The following HAS3 variants were observed in gnomAD, a reference collection of about 807,000 sequenced individuals.
The protein encoded by HAS3 is hyaluronan synthase 3.
In HAS3, 27 loss-of-function variants were observed where a neutral mutation model predicts 50.3. That is an observed-to-expected ratio of 0.54 (90% confidence interval 0.40 to 0.74). HAS3 has a LOEUF of 0.74. Ranked by LOEUF, HAS3 falls within the 30% of genes least tolerant of loss-of-function variation. The pLI is 0.00. For synonymous variants in HAS3, 339 were observed against 310.9 expected (o/e 1.09, Z -0.95); for missense variants, 517 against 742.8 (o/e 0.70, Z 3.53).
In HAS3 at chr16:69,107,137, C is replaced by T. The variant is rs1180824246; in HGVS notation, c.-1+1350C>T. 3 of 165,604 alleles carry T rather than the reference C, an allele frequency of 1.8e-5. No homozygotes were observed. In the Admixed American group the frequency reaches 2.0e-4, roughly 11 times the overall value. 10.3% of individuals were successfully genotyped at this position (165,604 alleles called of 1,614,324 possible). A position where few individuals can be genotyped will look rare whatever the true frequency, so the allele number is the denominator to read the frequency against. On this transcript the variant is annotated intron_variant, in intron 1 of 3. Coordinates refer to ENST00000569188, the MANE Select transcript of HAS3 (RefSeq NM_001199280.2). The surrounding 1 kb of genome is among the most constrained non-coding windows in gnomAD (Gnocchi z 5.5). ...AGGCTGTAGGATCACCCCACAGCCTCTGCCGGCTTGGGGTGACACAGCCCC... is the reference window on the plus strand; with the variant it reads ...AGGCTGTAGGATCACCCCACAGCCTTTGCCGGCTTGGGGTGACACAGCCCC...
the HAS3 span, chr16:69,083,669 T>A: frequency 6.4e-7 from 1 of 1,553,136 alleles, no homozygotes. Context: ...TAGACCTGGC[T>A]CCAAGGACGT....
downstream of HAS3, chr16:69,118,452 G>GAGAGC (rs1480696580): frequency 6.2e-7 from 1 of 1,600,636 alleles, no homozygotes. Flanking sequence ...CACGTTTCTA[G>GAGAGC]AGAGCAGTGA....
At chr16:69,118,426 G>A (rs750274243), downstream of HAS3, 5 of 1,612,666 alleles carry the variant, frequency 3.1e-6, no homozygotes, top group East Asian at 1.1e-4. Context: ...CGGAAGCATG[G>A]TCCGTTCACC....
Position 69,114,828 on chromosome 16 carries a change from C to A in HAS3, c.1224C>A (p.Asn408Lys). The A allele has an allele frequency of 6.2e-7, 1 of 1,614,154 alleles. No individual in the cohort carries two copies. The highest frequency in any genetic ancestry group is 8.5e-7 in the Non-Finnish European group (1 of 1,180,040). The stretch of plus-strand genomic sequence containing the variant: ...TTTTCTACCGGGGCCGCATCTGGAA[C>A]ATTCTCCTCTTCCTGCTGACGGTGC... ...IQLFYRGRIW[N>K]ILLFLLTVQL... The change falls in exon 4 of 4, where the codon AAC becomes AAA. Residue 408 changes from asparagine to lysine, a missense_variant. Transcript: ENST00000569188. This position sits in a 1 kb window ranked among gnomAD's most constrained non-coding sequence, Gnocchi z 6.4.
At position 69,116,989 on chromosome 16, in the gene HAS3, C is replaced by T; in HGVS notation, c.*1723C>T. 1 of 985,444 alleles carries T rather than the reference C, an allele frequency of 1.0e-6. No individual in the cohort carries two copies. Among genetic ancestry groups the T allele is most frequent in the Non-Finnish European group, 1.2e-6 (1 of 829,952 alleles). The allele number at this position is 985,444 out of a possible 1,614,324, so 61.0% of individuals were successfully genotyped here. A position where few individuals can be genotyped will look rare whatever the true frequency, so the allele number is the denominator to read the frequency against. On this transcript the variant is annotated 3_prime_UTR_variant, in exon 4 of 4. Transcript: ENST00000569188. ...GGCAAACCCTGGTGCTTTCCTTCATCTCCCACGAACTCAAGGGTTTTCCAG... is the reference window on the plus strand; with the variant it reads ...GGCAAACCCTGGTGCTTTCCTTCATTTCCCACGAACTCAAGGGTTTTCCAG...
chr16:69,108,667 G>T (rs1960892976), intron 1 of HAS3, among the ~76,000 whole-genome samples: 1 of 152,132 alleles, frequency 6.6e-6, no homozygotes, highest in Non-Finnish European at 1.5e-5. Context: ...TGGGCTCTAG[G>T]AGGCTGTCCA....
rs752430909 is a variant in HAS3, at chr16:69,115,532, T to C, written c.*266T>C. 179 of 1,175,764 alleles carry C rather than the reference T, an allele frequency of 1.5e-4. No homozygotes were observed. The highest frequency in any genetic ancestry group is 1.8e-4 in the Non-Finnish European group (174 of 951,004). The allele number at this position is 1,175,764 out of a possible 1,614,324, so 72.8% of individuals were successfully genotyped here. A position where few individuals can be genotyped will look rare whatever the true frequency, so the allele number is the denominator to read the frequency against. On this transcript the variant is annotated 3_prime_UTR_variant, in exon 4 of 4. Transcript: ENST00000569188. The stretch of plus-strand genomic sequence containing the variant: ...TCTGCTTGCATCTGCACATAGGCAG[T>C]AGCCTCCTCCTGGGCTCCAGAGGGC...
At chr16:69,093,245 C>G in the HAS3 span, among the ~76,000 whole-genome samples, 1 of 152,210 alleles carries the variant, frequency 6.6e-6, no homozygotes, top group Non-Finnish European at 1.5e-5. Flanking sequence ...GACAGGGTCT[C>G]TGTCACTCAG....
At chr16:69,091,123 C>G in the HAS3 span, among the ~76,000 whole-genome samples, 2 of 152,286 alleles carry the variant, frequency 1.3e-5, no homozygotes, top group South Asian at 2.1e-4. Flanking sequence ...CACCTCAACT[C>G]CTGCCCAAGA....
intron 2 of HAS3, 23 bp from the exon 3 acceptor site, chr16:69,113,418 C>T (rs1228485458): frequency 6.5e-7 from 1 of 1,550,352 alleles, no homozygotes; most frequent in Non-Finnish European, 8.9e-7. Flanking sequence ...TCAGAATGGG[C>T]TGACGACGCA....
At chr16:69,108,507 CG>C (rs1463272169) in intron 1 of HAS3, among the ~76,000 whole-genome samples, 2 of 152,118 alleles carry the variant, frequency 1.3e-5, no homozygotes, top group African/African-American at 2.4e-5. Flanking sequence ...AAATGGAAAC[CG>C]GGCATTGTTT....
chr16:69,104,992 G>GTTTTTTTTTT (rs565397720), upstream of HAS3, among the ~76,000 whole-genome samples: 116 of 81,976 alleles, frequency 1.4e-3, 14 homozygotes, highest in South Asian at 9.1e-3. Flanking sequence ...CTGTTTTTTG[G>GTTTTTTTTTT]TTTTTTTTTT....
chr16:69,117,423 C>G lies in HAS3; in HGVS notation c.*2157C>G. ...AGTTATTTTGTACATTTTTCAGCAGCAAAACCAAACTGGGTCTTCAGCTTT... is the reference window on the plus strand; with the variant it reads ...AGTTATTTTGTACATTTTTCAGCAGGAAAACCAAACTGGGTCTTCAGCTTT... On this transcript the variant is annotated 3_prime_UTR_variant, in exon 4 of 4. Coordinates refer to ENST00000569188, the MANE Select transcript of HAS3 (RefSeq NM_001199280.2). 1 of 985,814 alleles carries G rather than the reference C, an allele frequency of 1.0e-6. No individual in the cohort carries two copies. Among genetic ancestry groups the G allele is most frequent in the Non-Finnish European group, 1.2e-6 (1 of 829,894 alleles). The allele number at this position is 985,814 out of a possible 1,614,324, so 61.1% of individuals were successfully genotyped here.
intron 2 of HAS3, among the ~76,000 whole-genome samples, chr16:69,112,870 C>T (rs1387280021): frequency 6.6e-6 from 1 of 152,226 alleles, no homozygotes; most frequent in East Asian, 1.9e-4. Flanking sequence ...CTCAGCCATA[C>T]CGTGCCCTGG....
chr16:69,112,648 T>C (rs1961047526), intron 2 of HAS3, among the ~76,000 whole-genome samples: 1 of 152,198 alleles, frequency 6.6e-6, no homozygotes, highest in South Asian at 2.1e-4. Flanking sequence ...CAATGCTCAC[T>C]GGATTTGTGT....
At chr16:69,094,980 CT>C in the HAS3 span, among the ~76,000 whole-genome samples, 908 of 124,922 alleles carry the variant, frequency 7.3e-3, 5 homozygotes, top group East Asian at 0.028. Flanking sequence ...CCATTGTTAA[CT>C]TTTTTTTTTT....
At chr16:69,096,325 G>A in the HAS3 span, among the ~76,000 whole-genome samples, 496 of 151,768 alleles carry the variant, frequency 3.3e-3, 2 homozygotes, top group African/African-American at 0.012. Context: ...GAGGTCAGGA[G>A]TTTGAGACCA....
chr16:69,118,280 A>T, downstream of HAS3: 1 of 928,520 alleles, frequency 1.1e-6, no homozygotes, highest in Non-Finnish European at 1.8e-6. Flanking sequence ...CTGCAGGCCC[A>T]GTCAGTCAAG....
the HAS3 span, among the ~76,000 whole-genome samples, chr16:69,100,575 A>G: frequency 6.6e-6 from 1 of 152,122 alleles, no homozygotes; most frequent in Non-Finnish European, 1.5e-5. Context: ...GGCAGCCTAT[A>G]GAGCTTGGAT....
Sources: allele counts gnomAD v4.1 joint callset (sites outside exome capture counted in the v4.1 genomes callset), GRCh38; gene constraint gnomAD v4.1.1; non-coding constraint Gnocchi (gnomAD v3.1); transcripts MANE v1.5; gene names NCBI Gene and HGNC (gene_info 2026-07-23, HGNC 2026-07-21).